PLEKHA8: variants seen among roughly 807,000 people sequenced by gnomAD.
PLEKHA8 encodes pleckstrin homology domain containing A8, also known as pleckstrin homology domain-containing family A member 8.
A neutral mutation model predicts 68.2 loss-of-function variants in PLEKHA8; 36 were observed. The observed-to-expected ratio is 0.53, with a 90% CI of 0.40 to 0.70. The LOEUF is 0.70. PLEKHA8 is among the 30% of genes least tolerant of loss of function. The pLI is 0.00. For missense variants in PLEKHA8, 505 were observed against 615.4 expected, an observed-to-expected ratio of 0.82 and a Z score of 1.90; for synonymous variants, 211 against 216.1, an observed-to-expected ratio of 0.98 and a Z score of 0.20.
intron 1 of PLEKHA8, among the ~76,000 whole-genome samples, chr7:30,040,206 T>C (rs1054808696): frequency 1.3e-5 from 2 of 152,210 alleles, no homozygotes; most frequent in African/African-American, 2.4e-5. Context: ...TATTTATTGG[T>C]TCATTTAATG....
downstream of PLEKHA8, among the ~76,000 whole-genome samples, chr7:30,085,655 A>C (rs1424928918): frequency 1.3e-5 from 2 of 152,262 alleles, no homozygotes; most frequent in African/African-American, 4.8e-5. Context: ...TCTTCCCACT[A>C]TTGCCCACTT....
intron 12 of PLEKHA8, 48 bp from the exon 13 acceptor site, chr7:30,074,023 T>A: frequency 3.3e-6 from 5 of 1,506,456 alleles, no homozygotes; most frequent in Non-Finnish European, 4.6e-6. Flanking sequence ...AAATAGCACA[T>A]CAAATTCTGA....
At chr7:30,043,918 TC>T (rs1791738952) in intron 1 of PLEKHA8, among the ~76,000 whole-genome samples, 1 of 152,012 alleles carries the variant, frequency 6.6e-6, no homozygotes, top group Non-Finnish European at 1.5e-5. Flanking sequence ...GCCATGGCAG[TC>T]CTATGAGAGA....
rs377419534 is a variant in PLEKHA8 at position 30,120,156 on chromosome 7, TA to T, written c.1363-9097del. ...GTAGGATGGCTGTAATACAAATAAT[TA>T]AAAAAAAAAAAACAAAAAAAAAAAC... On this transcript the variant is annotated intron_variant, in intron 13 of 13. Transcript: ENST00000396257. Among the ~76,000 whole-genome samples, 650 of 101,826 alleles carry T rather than the reference TA, an allele frequency of 6.4e-3. 4 individuals carry two copies. The highest frequency in any genetic ancestry group is 0.019 in the African/African-American group (499 of 26,588). 66.8% of individuals were successfully genotyped at this position (101,826 alleles called of 152,430 possible).
At chr7:30,070,223 C>T (rs946644015) in intron 12 of PLEKHA8, among the ~76,000 whole-genome samples, 1 of 152,026 alleles carries the variant, frequency 6.6e-6, no homozygotes, top group South Asian at 2.1e-4. Flanking sequence ...TTTTGACACA[C>T]CTTCTCCCAT....
Position 30,084,411 on chromosome 7 carries a change from GCTTGTT to G in PLEKHA8, c.*5625_*5630del. 1 of 985,330 alleles carries G rather than the reference GCTTGTT, an allele frequency of 1.0e-6. No individual in the cohort carries two copies. Among genetic ancestry groups the G allele is most frequent in the African/African-American group, 1.7e-5 (1 of 57,330 alleles). The allele number at this position is 985,330 out of a possible 1,614,324, so 61.0% of individuals were successfully genotyped here. On this transcript the variant is annotated 3_prime_UTR_variant, in exon 14 of 14. Coordinates refer to ENST00000449726, the MANE Select transcript of PLEKHA8 (RefSeq NM_001197026.2). ...AGTTAAACTATAAAAGTGTCAAGTG[GCTTGTT>G]AACTTCTTAATTTAATGGACCTTTA...
chr7:30,068,035 A>G (rs1793984010), intron 12 of PLEKHA8, among the ~76,000 whole-genome samples: 1 of 152,134 alleles, frequency 6.6e-6, no homozygotes, highest in Non-Finnish European at 1.5e-5. Context: ...TGGTCCAGGG[A>G]CTCTGGCTGT....
chr7:30,108,113 C>T (rs1479835837), intron 13 of PLEKHA8, among the ~76,000 whole-genome samples: 1 of 141,318 alleles, frequency 7.1e-6, no homozygotes, highest in East Asian at 2.1e-4. Flanking sequence ...TTGACATGAT[C>T]ATAAGGTTTC....
intron 6 of PLEKHA8, 109 bp downstream of exon 6, chr7:30,050,583 G>A (rs1360581850): frequency 1.4e-5 from 19 of 1,320,164 alleles, no homozygotes; most frequent in Non-Finnish European, 1.9e-5. Flanking sequence ...CTCAGGATTT[G>A]AAATAATATG....
intron 13 of PLEKHA8, among the ~76,000 whole-genome samples, chr7:30,112,795 G>A (rs1037614471): frequency 6.6e-6 from 1 of 151,908 alleles, no homozygotes; most frequent in African/African-American, 2.4e-5. Context: ...CAGCTATTTG[G>A]GAGGCTGAGG....
chr7:30,091,672 G>GA (rs940304882), downstream of PLEKHA8, among the ~76,000 whole-genome samples: 1 of 152,088 alleles, frequency 6.6e-6, no homozygotes, highest in Admixed American at 6.5e-5. Flanking sequence ...GAAAATTAGG[G>GA]AAAAAAAGCC....
intron 13 of PLEKHA8, among the ~76,000 whole-genome samples, chr7:30,098,447 G>C (rs1388244599): frequency 6.6e-6 from 1 of 152,262 alleles, no homozygotes; most frequent in South Asian, 2.1e-4. Context: ...AGGCAGGCAG[G>C]CCTCCTTGAG....
At chr7:30,117,860 A>AGAG (rs1796616307) in intron 13 of PLEKHA8, 1 of 592,096 alleles carries the variant, frequency 1.7e-6, no homozygotes, top group African/African-American at 2.3e-5. Context: ...TAGAAACAGA[A>AGAG]GTATAACTAC....
intron 1 of PLEKHA8, among the ~76,000 whole-genome samples, chr7:30,039,530 T>G (rs1397723519): frequency 6.6e-6 from 1 of 152,186 alleles, no homozygotes; most frequent in Non-Finnish European, 1.5e-5. Context: ...TAAACTAAAA[T>G]GAAATAAAAT....
chr7:30,103,383 TA>T (rs527607820), intron 13 of PLEKHA8, among the ~76,000 whole-genome samples: 124 of 152,350 alleles, frequency 8.1e-4, no homozygotes, highest in African/African-American at 2.8e-3. Flanking sequence ...TATATCTCAA[TA>T]AAGTTGTTCT....
intron 13 of PLEKHA8, among the ~76,000 whole-genome samples, chr7:30,120,166 AAAAC>A (rs1006631416): frequency 7.0e-6 from 1 of 143,656 alleles, no homozygotes; most frequent in African/African-American, 2.7e-5. Flanking sequence ...TAAAAAAAAA[AAAAC>A]AAAAAAAAAA....
Position 30,097,993 on chromosome 7 carries a change from G to A in PLEKHA8, c.1362+23861G>A, listed in dbSNP as rs192868880. 5.1e-4 allele frequency among the ~76,000 whole-genome samples: 78 copies of A among 152,314 alleles called. 1 individual carries two copies. Among genetic ancestry groups the A allele is most frequent in the Middle Eastern group, 3.4e-3 (1 of 294 alleles). ...TGGTCTTTGATGATGGTGACGTACA[G>A]ATGGATTTTTGGTGTGGATGTCCTT... On this transcript the variant is annotated intron_variant, in intron 13 of 13. Coordinates refer to the PLEKHA8 transcript ENST00000396257.
At chr7:30,031,442 G>A (rs1790655887) in intron 1 of PLEKHA8, among the ~76,000 whole-genome samples, 1 of 152,222 alleles carries the variant, frequency 6.6e-6, no homozygotes, top group South Asian at 2.1e-4. Context: ...TTCAGGCACA[G>A]GGAATGCCAG....
At chr7:30,034,463 C>G (rs1583763958) in intron 1 of PLEKHA8, among the ~76,000 whole-genome samples, 1 of 152,014 alleles carries the variant, frequency 6.6e-6, no homozygotes, top group Admixed American at 6.5e-5. Context: ...CAGTAGCCTG[C>G]GAATAACCAA....
Sources: gnomAD v4.1 joint callset for allele counts (sites outside exome capture counted in the v4.1 genomes callset) on GRCh38, gnomAD v4.1.1 for gene constraint, MANE v1.5 for transcripts, NCBI Gene and HGNC (gene_info 2026-07-23, HGNC 2026-07-21) for gene names.